The following GLB1 variants were observed in gnomAD, a reference collection of about 807,000 sequenced individuals.
The protein encoded by GLB1 is galactosidase beta 1.
A neutral mutation model predicts 74.0 loss-of-function variants in GLB1; 56 were observed. The ratio of observed to expected loss-of-function variants is 0.76; its 90% CI spans 0.61 to 0.94. The LOEUF (loss-of-function observed/expected upper bound fraction) is 0.94, where lower values mean the gene tolerates loss of function less well. Among genes scored for constraint, GLB1 ranks in the 40% least tolerant of loss-of-function variants. GLB1 has a pLI of 0.00. For missense variants in GLB1, 787 were observed against 845.5 expected, an observed-to-expected ratio of 0.93 and a Z score of 0.86; for synonymous variants, 323 against 323.6, an observed-to-expected ratio of 1.00 and a Z score of 0.02.
intron 15 of GLB1, among the ~76,000 whole-genome samples, chr3:33,013,692 T>A (rs1697118328): frequency 6.6e-6 from 1 of 152,110 alleles, no homozygotes; most frequent in African/African-American, 2.4e-5. Context: ...GGGCTTGGCA[T>A]AAATGAAAAC....
chr3:33,008,624 A>C (rs1377415319), intron 15 of GLB1, among the ~76,000 whole-genome samples: 2 of 152,162 alleles, frequency 1.3e-5, no homozygotes, highest in Non-Finnish European at 2.9e-5. Flanking sequence ...CTGCTGGGCA[A>C]ATCTGAGGGC....
chr3:32,968,782 C>A, the GLB1 span, among the ~76,000 whole-genome samples: 2 of 152,220 alleles, frequency 1.3e-5, no homozygotes, highest in Admixed American at 6.5e-5. Flanking sequence ...ACTAACTAAG[C>A]TTTTCTTCTT....
At chr3:33,044,104 T>C (rs1698647421) in intron 10 of GLB1, among the ~76,000 whole-genome samples, 1 of 152,208 alleles carries the variant, frequency 6.6e-6, no homozygotes, top group South Asian at 2.1e-4. Context: ...TGAACATGTA[T>C]GTAGAATATA....
At chr3:33,066,360 G>C (rs1364078970) in intron 4 of GLB1, among the ~76,000 whole-genome samples, 2 of 152,120 alleles carry the variant, frequency 1.3e-5, no homozygotes, top group African/African-American at 4.8e-5. Flanking sequence ...ATGGGAATGG[G>C]ACTGGTGGCT....
intron 15 of GLB1, among the ~76,000 whole-genome samples, chr3:33,011,013 C>A (rs1022199231): frequency 6.6e-6 from 1 of 152,090 alleles, no homozygotes; most frequent in African/African-American, 2.4e-5. Context: ...CTCACCACCA[C>A]GCCTGGCTAA....
At chr3:33,002,610 T>G (rs982490376) in intron 15 of GLB1, among the ~76,000 whole-genome samples, 2 of 152,140 alleles carry the variant, frequency 1.3e-5, no homozygotes, top group Non-Finnish European at 2.9e-5. Flanking sequence ...AATCTCACTA[T>G]GTTGCCTAGG....
chr3:33,091,494 CA>C, intron 1 of GLB1: 1 of 985,504 alleles, frequency 1.0e-6, no homozygotes, highest in Non-Finnish European at 1.2e-6. Flanking sequence ...ATCCTCTGGG[CA>C]CCTGTGCCCA....
intron 10 of GLB1, among the ~76,000 whole-genome samples, chr3:33,026,525 C>A (rs761152466): frequency 8.5e-5 from 13 of 152,114 alleles, no homozygotes; most frequent in Non-Finnish European, 1.8e-4. Context: ...CTGGTGAAGC[C>A]CCACCTTCAA....
At chr3:33,038,047 G>T (rs967804714) in intron 10 of GLB1, 1 of 127,618 alleles carries the variant, frequency 7.8e-6, no homozygotes, top group Non-Finnish European at 1.6e-5. Flanking sequence ...AAAAAAAAAA[G>T]GCTCAGATTG....
At chr3:33,027,234 AGAGGGCTGGCGCCTGTGC>A (rs1392737398) in intron 10 of GLB1, among the ~76,000 whole-genome samples, 1 of 152,240 alleles carries the variant, frequency 6.6e-6, no homozygotes, top group Non-Finnish European at 1.5e-5. Context: ...GCAGCCTTGC[AGAGGGCTGGCGCCTGTGC>A]GGGCAACCTG....
At chr3:32,987,127 A>C in the GLB1 span, among the ~76,000 whole-genome samples, 3 of 152,262 alleles carry the variant, frequency 2.0e-5, no homozygotes, top group African/African-American at 7.2e-5. Context: ...CAGTACAACT[A>C]GTCCTCCCCT....
chr3:33,072,706 G>GA lies in GLB1; in HGVS notation c.82_83insT (p.Thr28IlefsTer6). On this transcript the variant is annotated frameshift_variant, in exon 2 of 16. Coordinates refer to ENST00000307363, the MANE Select transcript of GLB1 (RefSeq NM_000404.4). LOFTEE classifies it high-confidence loss of function. The stretch of plus-strand genomic sequence containing the variant: ...ATAGTCAATTTCAAACATCCTCTGG[G>GA]TGGCATTCTACAGAGCAAGGATGGG... The GA allele has an allele frequency of 6.2e-7, 1 of 1,614,134 alleles. No homozygotes were observed. The highest frequency in any genetic ancestry group is 1.1e-5 in the South Asian group (1 of 91,076).
rs1302903365 is a variant in GLB1 at position 33,053,537 on chromosome 3, G to C, written c.746C>G (p.Thr249Arg). 1 of 1,614,206 alleles carries C rather than the reference G, an allele frequency of 6.2e-7. No individual in the cohort carries two copies. The highest frequency in any genetic ancestry group is 2.2e-5 in the East Asian group (1 of 44,886). ...CTTCCTCTGGCTTAGGAAAGCATCTGTGATGTTGCTGCCTGAAAATTGTAA... is the reference window on the plus strand; with the variant it reads ...CTTCCTCTGGCTTAGGAAAGCATCTCTGATGTTGCTGCCTGAAAATTGTAA... ...TVDFGTGSNITDAFLSQRKCE... is the reference protein window; with the variant it reads ...TVDFGTGSNIRDAFLSQRKCE... The change falls in exon 7 of 16, where the codon ACA (threonine) becomes AGA (arginine). Residue 249 changes from threonine to arginine, a missense_variant. Physicochemically the swap from Thr to Arg is moderately conservative, Grantham distance 71 (BLOSUM62 -1). Coordinates refer to ENST00000307363, the MANE Select transcript of GLB1 (RefSeq NM_000404.4).
chr3:33,073,509 G>A (rs1024527661), intron 1 of GLB1, among the ~76,000 whole-genome samples: 1 of 152,026 alleles, frequency 6.6e-6, no homozygotes, highest in Non-Finnish European at 1.5e-5. Flanking sequence ...CCAACATGGT[G>A]AAACCCCATC....
At chr3:33,018,194 C>T (rs1285209914) in intron 13 of GLB1, among the ~76,000 whole-genome samples, 1 of 143,614 alleles carries the variant, frequency 7.0e-6, no homozygotes, top group Non-Finnish European at 1.5e-5. Flanking sequence ...GCCGAGGTAG[C>T]AGGATCACTT....
intron 10 of GLB1, among the ~76,000 whole-genome samples, chr3:33,041,514 T>C (rs1359340825): frequency 6.6e-6 from 1 of 151,692 alleles, no homozygotes; most frequent in African/African-American, 2.4e-5. Flanking sequence ...ATACAAAAAT[T>C]AGCCAGGTGT....
chr3:33,041,226 TAAAGAG>T (rs1698485844), intron 10 of GLB1, among the ~76,000 whole-genome samples: 1 of 151,996 alleles, frequency 6.6e-6, no homozygotes, highest in Admixed American at 6.6e-5. Context: ...GCGTCAAATA[TAAAGAG>T]AAAATCTCAG....
chr3:32,961,554 C>T, the GLB1 span, among the ~76,000 whole-genome samples: 3 of 152,142 alleles, frequency 2.0e-5, no homozygotes, highest in African/African-American at 7.2e-5. Flanking sequence ...TCTGTGGCAG[C>T]AGAAAAGAAG....
At chr3:32,988,845 G>GT in the GLB1 span, among the ~76,000 whole-genome samples, 24,555 of 149,116 alleles carry the variant, frequency 0.16, 2,233 homozygotes, top group African/African-American at 0.22. Context: ...GTTTTTTCCT[G>GT]TTTTTTTTTT....
Sources: gnomAD v4.1 joint callset for allele counts (sites outside exome capture counted in the v4.1 genomes callset) on GRCh38, gnomAD v4.1.1 for gene constraint, MANE v1.5 for transcripts, NCBI Gene and HGNC (gene_info 2026-07-23, HGNC 2026-07-21) for gene names.